The following DNER variants were observed in gnomAD, a reference collection of about 807,000 sequenced individuals.
DNER encodes delta/notch like EGF repeat containing.
In DNER, 33 loss-of-function variants were observed where a neutral mutation model predicts 78.2. The observed-to-expected ratio is 0.42, with a 90% CI of 0.32 to 0.56. The LOEUF (loss-of-function observed/expected upper bound fraction) is 0.56, where lower values mean the gene tolerates loss of function less well. Ranked by LOEUF, DNER falls within the 20% of genes least tolerant of loss-of-function variation. The pLI, the probability that DNER is intolerant of heterozygous loss-of-function variation, is 0.11. For synonymous variants in DNER, 417 were observed against 384.8 expected (o/e 1.08, Z -0.98); for missense variants, 918 against 975.3 (o/e 0.94, Z 0.78).
intron 1 of DNER, among the ~76,000 whole-genome samples, chr2:229,612,137 T>A (rs1301387265): frequency 2.0e-5 from 3 of 152,202 alleles, no homozygotes; most frequent in Admixed American, 6.5e-5. Context: ...TAAAGTAACT[T>A]CTCAACTCCT....
intron 1 of DNER, among the ~76,000 whole-genome samples, chr2:229,653,051 C>T (rs1208063930): frequency 6.6e-6 from 1 of 152,214 alleles, no homozygotes; most frequent in Non-Finnish European, 1.5e-5. Context: ...TTTGGACCTG[C>T]ATCTCAGTGG....
chr2:229,713,727 C>T (rs1699944287), intron 1 of DNER, among the ~76,000 whole-genome samples: 1 of 152,228 alleles, frequency 6.6e-6, no homozygotes, highest in Non-Finnish European at 1.5e-5. Context: ...AGGGTCCAGC[C>T]GGACGTGGAG....
At chr2:229,679,492 T>C (rs999644052) in intron 1 of DNER, among the ~76,000 whole-genome samples, 3 of 152,130 alleles carry the variant, frequency 2.0e-5, no homozygotes, top group African/African-American at 4.8e-5. Context: ...TCCTATTCCT[T>C]TTTTTTAGAT....
chr2:229,682,545 A>G (rs1214375841), intron 1 of DNER, among the ~76,000 whole-genome samples: 3 of 152,152 alleles, frequency 2.0e-5, no homozygotes, highest in Admixed American at 2.0e-4. Flanking sequence ...ATAATCACAT[A>G]CCAGGATAGA....
intron 4 of DNER, among the ~76,000 whole-genome samples, chr2:229,551,320 T>C (rs1156421840): frequency 6.6e-6 from 1 of 152,146 alleles, no homozygotes; most frequent in Non-Finnish European, 1.5e-5. Flanking sequence ...AAAAATTTAA[T>C]AGGAAGTGCC....
intron 8 of DNER, among the ~76,000 whole-genome samples, chr2:229,434,127 G>A (rs1433549001): frequency 6.6e-6 from 1 of 152,070 alleles, no homozygotes; most frequent in Non-Finnish European, 1.5e-5. Flanking sequence ...ACTGTGACTG[G>A]GATTATTCCA....
intron 1 of DNER, among the ~76,000 whole-genome samples, chr2:229,599,373 CA>C (rs1697784985): frequency 1.3e-5 from 2 of 152,114 alleles, no homozygotes; most frequent in Admixed American, 1.3e-4. Context: ...AAACAAAGAA[CA>C]AAAACAATAG....
intron 6 of DNER, among the ~76,000 whole-genome samples, chr2:229,512,401 T>C (rs1253526962): frequency 7.0e-6 from 1 of 141,994 alleles, no homozygotes; most frequent in Non-Finnish European, 1.6e-5. Context: ...AAAAAATTAA[T>C]TAATGGCATT....
At chr2:229,369,958 G>A (rs115714554) in intron 11 of DNER, among the ~76,000 whole-genome samples, 1 of 152,222 alleles carries the variant, frequency 6.6e-6, no homozygotes, top group African/African-American at 2.4e-5. Context: ...TTTCATGGTA[G>A]AATTCCAAGT....
chr2:229,608,004 A>G (rs1241760299), intron 1 of DNER, among the ~76,000 whole-genome samples: 1 of 141,718 alleles, frequency 7.1e-6, no homozygotes, highest in Admixed American at 7.2e-5. Flanking sequence ...CCTGGGTGAC[A>G]GAGCGAAACT....
intron 4 of DNER, among the ~76,000 whole-genome samples, chr2:229,574,749 G>A (rs1168715171): frequency 6.6e-6 from 1 of 152,114 alleles, no homozygotes; most frequent in African/African-American, 2.4e-5. Context: ...CTGGAAGTTT[G>A]CATATTTTGT....
At chr2:229,543,098 C>T (rs1312378992) in intron 5 of DNER, among the ~76,000 whole-genome samples, 1 of 151,998 alleles carries the variant, frequency 6.6e-6, no homozygotes, top group Non-Finnish European at 1.5e-5. Context: ...CTCAGAGGCA[C>T]CAGAAGCTCT....
chr2:229,536,166 G>A (rs1473733037), intron 5 of DNER, among the ~76,000 whole-genome samples: 5 of 152,224 alleles, frequency 3.3e-5, no homozygotes, highest in African/African-American at 1.2e-4. Flanking sequence ...GCATCTGATG[G>A]TCATTGGCTA....
chr2:229,468,194 A>G (rs1694844808), intron 7 of DNER, among the ~76,000 whole-genome samples: 1 of 152,246 alleles, frequency 6.6e-6, no homozygotes, highest in Non-Finnish European at 1.5e-5. Flanking sequence ...ATAGGAAGGA[A>G]TTCAGTTCAT....
intron 6 of DNER, among the ~76,000 whole-genome samples, chr2:229,484,770 T>C (rs1695235585): frequency 2.0e-5 from 3 of 152,200 alleles, no homozygotes; most frequent in African/African-American, 7.2e-5. Flanking sequence ...CAAAATGTCC[T>C]GAACACCAAG....
In DNER at chr2:229,497,283, A is replaced by C. The variant is rs141873062; in HGVS notation, c.1147+15500T>G. ...AATGGAAACACAACATACCAAAACT[A>C]ATAGGATGCAGTTAAAGCAGTTCTA... On this transcript the variant is annotated intron_variant, in intron 6 of 12. Coordinates refer to ENST00000341772, the MANE Select transcript of DNER (RefSeq NM_139072.4). Among the ~76,000 whole-genome samples, 327 of 152,240 alleles carry C rather than the reference A, an allele frequency of 2.1e-3. 6 individuals carry two copies. Among genetic ancestry groups the C allele is most frequent in the Admixed American group, 0.02 (310 of 15,296 alleles).
At chr2:229,611,758 T>TC (rs1342954322) in intron 1 of DNER, among the ~76,000 whole-genome samples, 1 of 152,174 alleles carries the variant, frequency 6.6e-6, no homozygotes, top group African/African-American at 2.4e-5. Flanking sequence ...AGAGCAGAAC[T>TC]CCAACCCAGT....
rs145624982 is a variant in DNER, at chr2:229,417,120, A to G, written c.1609+988T>C. On this transcript the variant is annotated intron_variant, in intron 9 of 12. Transcript: ENST00000341772. ...AGAAGCATCAGATCTGTGGAACACAAAGTCAAGACCTGGCCCAGCTTCAGC... is the reference window on the plus strand; with the variant it reads ...AGAAGCATCAGATCTGTGGAACACAGAGTCAAGACCTGGCCCAGCTTCAGC... Among the ~76,000 whole-genome samples the G allele has an allele frequency of 3.8e-3, 582 of 152,302 alleles. 10 individuals are homozygous for G. Among genetic ancestry groups the G allele is most frequent in the African/African-American group, 0.013 (545 of 41,568 alleles).
At chr2:229,416,603 C>T (rs1161998543) in intron 9 of DNER, among the ~76,000 whole-genome samples, 1 of 152,176 alleles carries the variant, frequency 6.6e-6, no homozygotes, top group East Asian at 1.9e-4. Context: ...CCCTCTGCCT[C>T]CTAGGGTCAG....
Sources: gnomAD v4.1 joint callset for allele counts (sites outside exome capture counted in the v4.1 genomes callset) on GRCh38, gnomAD v4.1.1 for gene constraint, MANE v1.5 for transcripts, NCBI Gene and HGNC (gene_info 2026-07-23, HGNC 2026-07-21) for gene names.